Variants in USP24 observed in about 807,000 individuals in gnomAD.
USP24 encodes ubiquitin carboxyl-terminal hydrolase 24.
A neutral mutation model predicts 361.6 loss-of-function variants in USP24; 97 were observed. The ratio of observed to expected loss-of-function variants is 0.27; its 90% confidence interval spans 0.23 to 0.32. USP24 has a LOEUF of 0.32. USP24 is among the 10% of genes least tolerant of loss of function. The probability of loss-of-function intolerance (pLI) is 1.00; values close to 1 mark genes in which losing one functional copy is unlikely to be tolerated. For missense variants in USP24, 2,353 were observed against 3,165.6 expected, an observed-to-expected ratio of 0.74 and a Z score of 6.16; for synonymous variants, 1,098 against 1,124.6, an observed-to-expected ratio of 0.98 and a Z score of 0.47.
chr1:55,071,566 C>G, intron 67 of USP24: 1 of 1,308,014 alleles, frequency 7.6e-7, no homozygotes, highest in Non-Finnish European at 9.8e-7. Flanking sequence ...TACCTGCAGG[C>G]TGATCAGGGT....
Position 55,095,370 on chromosome 1 carries a change from T to C in USP24, c.6088A>G (p.Arg2030Gly). 6.2e-7 allele frequency: 1 copy of C among 1,613,018 alleles called. No homozygotes were observed. The highest frequency in any genetic ancestry group is 8.5e-7 in the Non-Finnish European group (1 of 1,179,442). Residue 2030 changes from arginine (R) to glycine (G), a missense_variant, in exon 51 of 68, where the codon AGA (arginine) becomes GGA (glycine). Transcript: ENST00000294383. Reference protein sequence around the residue: ...QTNPYTDVRRRYWNAYMLFYQ... With the variant: ...QTNPYTDVRRGYWNAYMLFYQ... Reference sequence around the variant, plus strand: ...AAAAGCATATAGGCATTCCAGTATCTTCGGCGCACATCAGTGTATGGGTTT... The same window carrying C: ...AAAAGCATATAGGCATTCCAGTATCCTCGGCGCACATCAGTGTATGGGTTT...
chr1:55,068,916 C>G lies in USP24; in HGVS notation c.*129G>C. ...ATGCTTTCCTTGAGAAATACACGAT[C>G]CGCCCAAGTCACAGCAGCTTTCCCA... is the stretch of plus-strand genomic sequence containing the variant. On this transcript the variant is annotated 3_prime_UTR_variant, in exon 68 of 68. Transcript: ENST00000294383. 3.1e-6 allele frequency: 3 copies of G among 966,614 alleles called. 1 individual carries two copies. The South Asian group carries it at 4.7e-5, about 15-fold the overall frequency. 59.9% of individuals were successfully genotyped at this position (966,614 alleles called of 1,614,324 possible). A position where few individuals can be genotyped will look rare whatever the true frequency, so the allele number is the denominator to read the frequency against.
At position 55,150,433 on chromosome 1, in the gene USP24, G is replaced by T. The variant is rs1647161214; in HGVS notation, c.1861-1863C>A. On this transcript the variant is annotated intron_variant, in intron 16 of 67. Transcript: ENST00000294383. ...CACAGAAATAAGGTATATATTAAAG[G>T]TCAACTACTTGTGAGACTAGCTAGA... is the stretch of plus-strand genomic sequence containing the variant. Among the ~76,000 whole-genome samples, 3 of 152,074 alleles carry T rather than the reference G, an allele frequency of 2.0e-5. No homozygotes were observed. The South Asian group carries it at 6.2e-4, about 31-fold the overall frequency.
At chr1:55,167,049 T>C (rs1350591102) in intron 5 of USP24, among the ~76,000 whole-genome samples, 2 of 152,186 alleles carry the variant, frequency 1.3e-5, no homozygotes, top group Non-Finnish European at 2.9e-5. Context: ...TCTTTTCTTT[T>C]TGAGCATTCA....
At chr1:55,071,551 G>T (rs1006774438) in intron 67 of USP24, 1 of 1,267,598 alleles carries the variant, frequency 7.9e-7, no homozygotes. Flanking sequence ...TGGCTTCATC[G>T]GGACTACCTG....
intron 1 of USP24, among the ~76,000 whole-genome samples, chr1:55,199,358 C>A (rs1644502830): frequency 6.6e-6 from 1 of 151,616 alleles, no homozygotes; most frequent in South Asian, 2.1e-4. Context: ...TTGATTCAAT[C>A]CTAGATTACA....
At chr1:55,115,658 C>T (rs1341944949) in intron 38 of USP24, among the ~76,000 whole-genome samples, 2 of 152,068 alleles carry the variant, frequency 1.3e-5, no homozygotes, top group African/African-American at 4.8e-5. Context: ...CCAGCAATCC[C>T]ATCACTGGAT....
chr1:55,077,125 C>A (rs977995763), intron 62 of USP24, 110 bp downstream of exon 62: 6 of 1,060,544 alleles, frequency 5.7e-6, no homozygotes, highest in Non-Finnish European at 7.7e-6. Flanking sequence ...TCAATAAATG[C>A]AGACCAAATG....
At chr1:55,135,289 A>C (rs1646703041) in intron 28 of USP24, among the ~76,000 whole-genome samples, 1 of 152,122 alleles carries the variant, frequency 6.6e-6, no homozygotes, top group Non-Finnish European at 1.5e-5. Context: ...CCAGTCTTCA[A>C]ATACAGTTAA....
intron 5 of USP24, among the ~76,000 whole-genome samples, chr1:55,166,834 A>G (rs1276479366): frequency 2.0e-5 from 3 of 152,184 alleles, no homozygotes; most frequent in East Asian, 1.9e-4. Flanking sequence ...TGGAGCATCT[A>G]TGCATTTTTG....
At chr1:55,115,400 G>GC (rs768744809) in intron 38 of USP24, among the ~76,000 whole-genome samples, 13 of 140,570 alleles carry the variant, frequency 9.2e-5, no homozygotes, top group Non-Finnish European at 2.0e-4. Flanking sequence ...GGAGGCTGAG[G>GC]CAGGAGAATG....
In USP24 at chr1:55,085,974, T is replaced by A; in HGVS notation, c.6733A>T (p.Thr2245Ser). The A allele has an allele frequency of 6.2e-7, 1 of 1,613,732 alleles. No homozygotes were observed. Among genetic ancestry groups the A allele is most frequent in the Non-Finnish European group, 8.5e-7 (1 of 1,179,802 alleles). ...TGATAAAACAAGGCACTGTCTAGGG[T>A]TTTCTCCAGAATGGTGGCCACAGCA... Reference protein sequence around the residue: ...RVAVATILEKTLDSALFYQDK... With the variant: ...RVAVATILEKSLDSALFYQDK... The change falls in exon 56 of 68, where the codon ACC becomes TCC. Residue 2245 changes from threonine (T) to serine (S), a missense_variant. Around this residue, in one of 8 missense-constraint regions of USP24, gnomAD observed 598 missense variants for 761.9 expected, o/e 0.78. Coordinates refer to ENST00000294383, the MANE Select transcript of USP24 (RefSeq NM_015306.3).
chr1:55,118,862 A>G (rs1646196418), intron 38 of USP24, among the ~76,000 whole-genome samples: 1 of 152,268 alleles, frequency 6.6e-6, no homozygotes, highest in South Asian at 2.1e-4. Flanking sequence ...ATTCACATGC[A>G]CTGGGATAGC....
intron 5 of USP24, among the ~76,000 whole-genome samples, chr1:55,169,881 G>A (rs1300460692): frequency 6.6e-6 from 1 of 152,112 alleles, no homozygotes; most frequent in East Asian, 1.9e-4. Context: ...CAATGCACAA[G>A]TAAAATAAAG....
intron 38 of USP24, among the ~76,000 whole-genome samples, chr1:55,115,495 C>CAAAAAAAAAAAA (rs1165658382): frequency 1.5e-4 from 7 of 45,834 alleles, no homozygotes; most frequent in African/African-American, 2.1e-4. Context: ...GACTCCGCCT[C>CAAAAAAAAAAAA]AAAAAAAAAA....
intron 16 of USP24, among the ~76,000 whole-genome samples, chr1:55,149,378 G>A (rs979686879): frequency 6.6e-6 from 1 of 152,132 alleles, no homozygotes; most frequent in Non-Finnish European, 1.5e-5. Context: ...TAAGTCCTCA[G>A]CATTCTTCAG....
rs147170037 is a variant in USP24 at position 55,082,267 on chromosome 1, C to T, written c.6976-843G>A. ...ACCTTGGACAACTTACTTAACATCTCTGAGCTTTACTCCTTGCCTGAGAAT... is the reference window on the plus strand; with the variant it reads ...ACCTTGGACAACTTACTTAACATCTTTGAGCTTTACTCCTTGCCTGAGAAT... On this transcript the variant is annotated intron_variant, in intron 58 of 67. Transcript: ENST00000294383. Among the ~76,000 whole-genome samples the T allele has an allele frequency of 9.8e-3, 1,487 of 152,310 alleles. 12 individuals are homozygous for T. Among genetic ancestry groups the T allele is most frequent in the Non-Finnish European group, 0.014 (972 of 68,030 alleles).
intron 1 of USP24, among the ~76,000 whole-genome samples, chr1:55,179,667 T>A (rs1343645936): frequency 6.6e-6 from 1 of 152,048 alleles, no homozygotes; most frequent in East Asian, 1.9e-4. Context: ...TGTTCTCCCA[T>A]CCCCATTCCC....
chr1:55,093,594 T>G (rs1413765567), intron 52 of USP24: 1 of 201,398 alleles, frequency 5.0e-6, no homozygotes, highest in Non-Finnish European at 1.0e-5. Context: ...GAACCTTAAC[T>G]TGTTTTTCTC....
Sources: gnomAD v4.1 joint callset for allele counts (sites outside exome capture counted in the v4.1 genomes callset) on GRCh38, gnomAD v4.1.1 for gene constraint, gnomAD v4.1.1 regional missense constraint, MANE v1.5 for transcripts, NCBI Gene and HGNC (gene_info 2026-07-23, HGNC 2026-07-21) for gene names.